The following VPS13B variants were observed in gnomAD, a reference collection of about 807,000 sequenced individuals.
VPS13B encodes the protein vacuolar protein sorting 13 homolog B.
A neutral mutation model predicts 426.4 loss-of-function variants in VPS13B; 285 were observed. The observed-to-expected ratio is 0.67, with a 90% CI of 0.61 to 0.74. The LOEUF (loss-of-function observed/expected upper bound fraction) is 0.74, where lower values mean the gene tolerates loss of function less well. VPS13B is among the 30% of genes least tolerant of loss of function. The pLI is 0.00. For missense variants in VPS13B, 4,537 were observed against 4,782.6 expected, an observed-to-expected ratio of 0.95 and a Z score of 1.51; for synonymous variants, 1,676 against 1,676.4, an observed-to-expected ratio of 1.00 and a Z score of 0.01.
chr8:99,639,679 T>G (rs185352789), intron 33 of VPS13B, among the ~76,000 whole-genome samples: 321 of 146,878 alleles, frequency 2.2e-3, no homozygotes, highest in African/African-American at 5.6e-3. Flanking sequence ...TAAAAATATG[T>G]TTTTTTTTAC....
rs956740631 is a variant in VPS13B, at chr8:99,740,542, C to T, written c.7050+19495C>T. Among the ~76,000 whole-genome samples, 6 of 152,090 alleles carry T rather than the reference C, an allele frequency of 3.9e-5. No homozygotes were observed. The East Asian group carries it at 9.7e-4, about 25-fold the overall frequency. On this transcript the variant is annotated intron_variant, in intron 39 of 61. Transcript: ENST00000357162. ...ATTGTCAGATTCACCAAAGTTGAAACAATGGAAAAAATGTTAAGGGCAGCC... is the reference window on the plus strand; with the variant it reads ...ATTGTCAGATTCACCAAAGTTGAAATAATGGAAAAAATGTTAAGGGCAGCC...
At chr8:99,204,238 G>T (rs1017294079) in intron 17 of VPS13B, among the ~76,000 whole-genome samples, 1 of 152,136 alleles carries the variant, frequency 6.6e-6, no homozygotes. Flanking sequence ...TGACAAACCC[G>T]ACAAAAACTA....
intron 3 of VPS13B, among the ~76,000 whole-genome samples, chr8:99,063,668 A>C (rs1341873570): frequency 6.6e-6 from 1 of 152,222 alleles, no homozygotes; most frequent in African/African-American, 2.4e-5. Flanking sequence ...AGGCAGCAGA[A>C]ACTTCTTCAG....
rs1016972212 is a variant in VPS13B, at chr8:99,093,058, T to C, written c.292-3254T>C. Among the ~76,000 whole-genome samples, 36 of 152,176 alleles carry C rather than the reference T, an allele frequency of 2.4e-4. 1 individual carries two copies. Among genetic ancestry groups the C allele is most frequent in the Admixed American group, 3.9e-4 (6 of 15,292 alleles). ...ACAAATTAAATATGTCAAGCACTTA[T>C]TTTTAAAATTACACTGAATGACTCC... On this transcript the variant is annotated intron_variant, in intron 3 of 61. Coordinates refer to ENST00000357162, the MANE Select transcript of VPS13B (RefSeq NM_152564.5).
At chr8:99,245,130 G>C (rs977856410) in intron 17 of VPS13B, among the ~76,000 whole-genome samples, 4 of 152,132 alleles carry the variant, frequency 2.6e-5, no homozygotes, top group African/African-American at 9.7e-5. Context: ...TAGTGTTTAA[G>C]AACACAGTCC....
intron 19 of VPS13B, among the ~76,000 whole-genome samples, chr8:99,348,515 C>T (rs1485325469): frequency 6.6e-6 from 1 of 152,164 alleles, no homozygotes; most frequent in Non-Finnish European, 1.5e-5. Flanking sequence ...TGCTAAACAT[C>T]ATGGACATAA....
At chr8:99,306,390 G>A (rs1820638982) in intron 19 of VPS13B, among the ~76,000 whole-genome samples, 1 of 152,028 alleles carries the variant, frequency 6.6e-6, no homozygotes, top group African/African-American at 2.4e-5. Context: ...TATTAAGTGA[G>A]AAAATAATGC....
At chr8:99,687,192 T>G (rs922711644) in intron 35 of VPS13B, among the ~76,000 whole-genome samples, 5 of 152,004 alleles carry the variant, frequency 3.3e-5, no homozygotes, top group Non-Finnish European at 7.4e-5. Context: ...CTCAGGACTC[T>G]GCCTGGTGCC....
chr8:99,040,595 TTAGTA>T lies in VPS13B; in HGVS notation c.291+2036_291+2040del, dbSNP rs370648950. On this transcript the variant is annotated intron_variant, in intron 3 of 61. Coordinates refer to ENST00000357162, the MANE Select transcript of VPS13B (RefSeq NM_152564.5). ...TTTATTTTCCTGTTTTAAGCTTTGA[TTAGTA>T]TAGTATGTAATTAAGCAGGTACTAG... is the stretch of plus-strand genomic sequence containing the variant. Among the ~76,000 whole-genome samples, 18 of 152,296 alleles carry T rather than the reference TTAGTA, an allele frequency of 1.2e-4. No homozygotes were observed. In the South Asian group the frequency reaches 3.7e-3, roughly 32 times the overall value.
At chr8:99,370,606 T>C (rs936827646) in intron 19 of VPS13B, among the ~76,000 whole-genome samples, 35 of 67,952 alleles carry the variant, frequency 5.2e-4, no homozygotes, top group African/African-American at 2.3e-3. Context: ...AGTGAAGGGC[T>C]TTTTTTTTTT....
intron 19 of VPS13B, among the ~76,000 whole-genome samples, chr8:99,297,988 A>C (rs1287306168): frequency 3.9e-5 from 6 of 152,148 alleles, no homozygotes; most frequent in Non-Finnish European, 8.8e-5. Context: ...AGAAGGGCTG[A>C]GTTTTGTTAT....
Position 99,720,479 on chromosome 8 carries a change from G to T in VPS13B, c.6792G>T (p.Lys2264Asn). 1 of 1,614,008 alleles carries T rather than the reference G, an allele frequency of 6.2e-7. No homozygotes were observed. Among genetic ancestry groups the T allele is most frequent in the African/African-American group, 1.3e-5 (1 of 75,038 alleles). ...PVPQMSSPVE[K>N]NQTFKSEQSS... Reference sequence around the variant, plus strand: ...CTCAAATGTCATCTCCTGTGGAAAAGAATCAGACATTTAAAAGTGAACAAA... The same window carrying T: ...CTCAAATGTCATCTCCTGTGGAAAATAATCAGACATTTAAAAGTGAACAAA... Residue 2264 changes from lysine to asparagine, a missense_variant, in exon 38 of 62, where the codon AAG becomes AAT. Coordinates refer to ENST00000357162, the MANE Select transcript of VPS13B (RefSeq NM_152564.5).
At chr8:99,095,222 G>C (rs1563536599) in intron 3 of VPS13B, among the ~76,000 whole-genome samples, 1 of 152,174 alleles carries the variant, frequency 6.6e-6, no homozygotes, top group East Asian at 1.9e-4. Flanking sequence ...AGGTCAACTA[G>C]AATGAGGACT....
chr8:99,787,966 G>A (rs1812348757), intron 43 of VPS13B, among the ~76,000 whole-genome samples: 1 of 151,994 alleles, frequency 6.6e-6, no homozygotes, highest in African/African-American at 2.4e-5. Flanking sequence ...TCAAGCAAGT[G>A]GAAATAGGCT....
At chr8:99,085,278 C>T (rs1471878654) in intron 3 of VPS13B, among the ~76,000 whole-genome samples, 1 of 152,078 alleles carries the variant, frequency 6.6e-6, no homozygotes, top group African/African-American at 2.4e-5. Context: ...ATTGCAACCC[C>T]TGCCTTTTTT....
intron 23 of VPS13B, among the ~76,000 whole-genome samples, chr8:99,462,001 A>T (rs1416558967): frequency 6.6e-6 from 1 of 152,136 alleles, no homozygotes; most frequent in Non-Finnish European, 1.5e-5. Flanking sequence ...TGGTTCAACA[A>T]AAGAATCTGC....
intron 39 of VPS13B, among the ~76,000 whole-genome samples, chr8:99,728,992 G>C (rs1293974324): frequency 6.6e-6 from 1 of 151,260 alleles, no homozygotes; most frequent in Non-Finnish European, 1.5e-5. Context: ...TTTCTTCTTA[G>C]GCCACCCAGT....
chr8:99,529,873 C>A (rs527467215), intron 30 of VPS13B, among the ~76,000 whole-genome samples: 3 of 152,266 alleles, frequency 2.0e-5, no homozygotes, highest in Middle Eastern at 3.4e-3. Context: ...CAAAATGTAT[C>A]TTCCTCTCTG....
At chr8:99,650,382 G>A (rs1396677662) in intron 34 of VPS13B, among the ~76,000 whole-genome samples, 1 of 152,152 alleles carries the variant, frequency 6.6e-6, no homozygotes, top group Admixed American at 6.6e-5. Context: ...GGAAAATGCT[G>A]TGAGATTCAT....
Sources: gnomAD v4.1 joint callset for allele counts (sites outside exome capture counted in the v4.1 genomes callset) on GRCh38, gnomAD v4.1.1 for gene constraint, MANE v1.5 for transcripts, NCBI Gene and HGNC (gene_info 2026-07-23, HGNC 2026-07-21) for gene names.